The following REEP3 variants were observed in gnomAD, a reference collection of about 807,000 sequenced individuals.
REEP3 encodes the protein receptor expression-enhancing protein 3.
In REEP3, 20 loss-of-function variants were observed where a neutral mutation model predicts 41.3. The observed-to-expected ratio is 0.48, with a 90% confidence interval of 0.34 to 0.70. The LOEUF (loss-of-function observed/expected upper bound fraction) is 0.70. Ranked by LOEUF, REEP3 falls within the 30% of genes least tolerant of loss-of-function variation. The pLI is 0.01. For synonymous variants in REEP3, 104 were observed against 101.8 expected, an observed-to-expected ratio of 1.02 and a Z score of -0.13; for missense variants, 271 against 308.8, an observed-to-expected ratio of 0.88 and a Z score of 0.92.
intron 2 of REEP3, among the ~76,000 whole-genome samples, chr10:63,586,620 T>G (rs1035618511): frequency 6.6e-6 from 1 of 152,130 alleles, no homozygotes; most frequent in Non-Finnish European, 1.5e-5. Flanking sequence ...TATTACCAAA[T>G]AATTAGAAAA....
chr10:63,580,784 C>T (rs752547128), intron 2 of REEP3, among the ~76,000 whole-genome samples: 14 of 151,888 alleles, frequency 9.2e-5, no homozygotes, highest in Non-Finnish European at 1.5e-4. Flanking sequence ...TTTGGGAGGC[C>T]AAGGCAGGAG....
chr10:63,624,420 T>G lies in REEP3; in HGVS notation c.*3551T>G, dbSNP rs1042519643. ...CTTAACATTTTGCCTTCTAACACCT[T>G]TTAAATCTATGTACTTTAATAGTTA... On this transcript the variant is annotated 3_prime_UTR_variant, in exon 8 of 8. Transcript: ENST00000373758. 1.3e-5 allele frequency: 2 copies of G among 152,146 alleles called. No individual in the cohort carries two copies. Among genetic ancestry groups the G allele is most frequent in the Admixed American group, 6.5e-5 (1 of 15,274 alleles). 9.4% of individuals were successfully genotyped at this position (152,146 alleles called of 1,614,324 possible).
chr10:63,561,656 G>A (rs1322026742), intron 1 of REEP3, among the ~76,000 whole-genome samples: 7 of 152,242 alleles, frequency 4.6e-5, no homozygotes, highest in Non-Finnish European at 8.8e-5. Context: ...TGGGCACAGA[G>A]GAATGTGTTG....
chr10:63,545,680 GTTTTTTTTTTTTTTTT>G (rs55779021), intron 1 of REEP3, among the ~76,000 whole-genome samples: 2 of 55,412 alleles, frequency 3.6e-5, no homozygotes, highest in South Asian at 1.9e-3. Flanking sequence ...GCCAACTTCT[GTTTTTTTTTTTTTTTT>G]TTTTTTTTTG....
At chr10:63,527,325 T>G (rs1328422931) in intron 1 of REEP3, among the ~76,000 whole-genome samples, 1 of 152,080 alleles carries the variant, frequency 6.6e-6, no homozygotes, top group Non-Finnish European at 1.5e-5. Context: ...CTACTATACT[T>G]TTCATCTTAT....
intron 2 of REEP3, among the ~76,000 whole-genome samples, chr10:63,569,599 G>A (rs1340402415): frequency 1.3e-5 from 2 of 151,826 alleles, no homozygotes; most frequent in African/African-American, 4.8e-5. Context: ...AAACGTCAAA[G>A]GTAAAGGGAT....
intron 7 of REEP3, 98 bp downstream of exon 7, chr10:63,619,898 A>G (rs561033885): frequency 1.4e-6 from 1 of 736,916 alleles, no homozygotes; most frequent in African/African-American, 1.9e-5. Context: ...GAAGGATTGG[A>G]ATGGTAGAAC....
intron 2 of REEP3, among the ~76,000 whole-genome samples, chr10:63,580,173 G>A (rs1217748570): frequency 6.6e-6 from 1 of 152,082 alleles, no homozygotes; most frequent in East Asian, 1.9e-4. Context: ...GTATTGCTCT[G>A]TCGCCCAGGC....
In REEP3 at chr10:63,624,695, A is replaced by T. The variant is rs537859300; in HGVS notation, c.*3826A>T. On this transcript the variant is annotated 3_prime_UTR_variant, in exon 8 of 8. Coordinates refer to ENST00000373758, the MANE Select transcript of REEP3 (RefSeq NM_001001330.3). Reference sequence around the variant, plus strand: ...CTTAGGATTACAGATCACAGAGCAAATTATGAAAATCATAAACATTCTGGT... The same window carrying T: ...CTTAGGATTACAGATCACAGAGCAATTTATGAAAATCATAAACATTCTGGT... The T allele has an allele frequency of 6.6e-6, 1 of 152,144 alleles. No individual in the cohort carries two copies. The highest frequency in any genetic ancestry group is 1.5e-5 in the Non-Finnish European group (1 of 67,988). 9.4% of individuals were successfully genotyped at this position (152,144 alleles called of 1,614,324 possible).
intron 3 of REEP3, 85 bp from the exon 4 acceptor site, chr10:63,597,939 C>A (rs1211537292): frequency 1.3e-5 from 16 of 1,186,770 alleles, no homozygotes; most frequent in Non-Finnish European, 1.8e-5. Context: ...AGCATAGTGA[C>A]TGAACTTTTT....
At chr10:63,544,560 G>A (rs564388256) in intron 1 of REEP3, among the ~76,000 whole-genome samples, 2 of 152,216 alleles carry the variant, frequency 1.3e-5, no homozygotes, top group South Asian at 4.1e-4. Context: ...AAACATGAGA[G>A]GAAGAAAAGG....
At chr10:63,552,272 G>C (rs1426644220) in intron 1 of REEP3, among the ~76,000 whole-genome samples, 1 of 151,990 alleles carries the variant, frequency 6.6e-6, no homozygotes, top group African/African-American at 2.4e-5. Flanking sequence ...TTAGCTGGGT[G>C]TGGTGGCACA....
At chr10:63,562,651 G>A (rs1172732660) in intron 1 of REEP3, 2 of 456,234 alleles carry the variant, frequency 4.4e-6, no homozygotes, top group East Asian at 6.9e-5. Flanking sequence ...GTTGACATAA[G>A]CCCCAAACCA....
chr10:63,614,539 C>T (rs940410169), intron 6 of REEP3, among the ~76,000 whole-genome samples: 7 of 152,212 alleles, frequency 4.6e-5, no homozygotes, highest in African/African-American at 1.7e-4. Flanking sequence ...CCTCTATGTT[C>T]TCTCCATGTG....
chr10:63,618,390 C>T (rs1318291501), intron 6 of REEP3, among the ~76,000 whole-genome samples: 1 of 151,734 alleles, frequency 6.6e-6, no homozygotes, highest in South Asian at 2.1e-4. Flanking sequence ...GGACTACAGG[C>T]GCCTGCCTCC....
intron 1 of REEP3, among the ~76,000 whole-genome samples, chr10:63,536,198 G>A (rs1004479828): frequency 6.6e-6 from 1 of 152,220 alleles, no homozygotes; most frequent in African/African-American, 2.4e-5. Context: ...CTATATGGCA[G>A]TTGAGCTCCG....
At chr10:63,580,882 T>C (rs945221973) in intron 2 of REEP3, among the ~76,000 whole-genome samples, 1 of 151,976 alleles carries the variant, frequency 6.6e-6, no homozygotes, top group Non-Finnish European at 1.5e-5. Context: ...CATAGAGACA[T>C]GTGCCTACAG....
chr10:63,610,500 GCAAACCA>G, intron 6 of REEP3, among the ~76,000 whole-genome samples, 166 bp downstream of exon 6: 1 of 152,210 alleles, frequency 6.6e-6, no homozygotes, highest in Non-Finnish European at 1.5e-5. Context: ...GGTAGATGCA[GCAAACCA>G]CCATGGCACA....
In REEP3 at chr10:63,619,641, G is replaced by C; in HGVS notation, c.566-14G>C. The C allele has an allele frequency of 1.3e-6, 2 of 1,590,488 alleles. No individual in the cohort carries two copies. Among genetic ancestry groups the C allele is most frequent in the Non-Finnish European group, 1.7e-6 (2 of 1,168,064 alleles). On this transcript the variant is annotated splice_polypyrimidine_tract_variant and intron_variant, in intron 6 of 7. Transcript: ENST00000373758. Reference sequence around the variant, plus strand: ...CCTTTTACCAAAACATGCTGTTTTTGACAACTTGTTTAGGTTATGGAATTC... The same window carrying C: ...CCTTTTACCAAAACATGCTGTTTTTCACAACTTGTTTAGGTTATGGAATTC...
Sources: allele counts gnomAD v4.1 joint callset (sites outside exome capture counted in the v4.1 genomes callset), GRCh38; gene constraint gnomAD v4.1.1; transcripts MANE v1.5; gene names NCBI Gene and HGNC (gene_info 2026-07-23, HGNC 2026-07-21).